PRRC1: variants seen among roughly 807,000 people sequenced by gnomAD.
The protein encoded by PRRC1 is protein PRRC1.
Under a neutral mutation model 40.7 loss-of-function variants are expected in PRRC1, and 39 were observed. The observed-to-expected ratio is 0.96, with a 90% CI of 0.74 to 1.25. The LOEUF is 1.25. Ranked by LOEUF, PRRC1 falls within the 50% of genes most tolerant of loss-of-function variation. PRRC1 has a pLI of 0.00. For synonymous variants in PRRC1, 175 were observed against 193.3 expected, an observed-to-expected ratio of 0.91 and a Z score of 0.79; for missense variants, 573 against 548.3, an observed-to-expected ratio of 1.05 and a Z score of -0.45.
chr5:127,552,527 A>G lies in PRRC1; in HGVS notation c.*611A>G, dbSNP rs975121921. 2 of 985,830 alleles carry G rather than the reference A, an allele frequency of 2.0e-6. No homozygotes were observed. Among genetic ancestry groups the G allele is most frequent in the Non-Finnish European group, 2.4e-6 (2 of 829,850 alleles). The allele number at this position is 985,830 out of a possible 1,614,324, so 61.1% of individuals were successfully genotyped here. Reference sequence around the variant, plus strand: ...GCCATCACGTACACATGTAATCTGGAAAATCATACCTTTGTCAATTTTAAA... The same window carrying G: ...GCCATCACGTACACATGTAATCTGGGAAATCATACCTTTGTCAATTTTAAA... On this transcript the variant is annotated 3_prime_UTR_variant, in exon 9 of 9. Coordinates refer to ENST00000296666, the MANE Select transcript of PRRC1 (RefSeq NM_130809.5).
At position 127,552,823 on chromosome 5, in the gene PRRC1, C is replaced by CT. The variant is rs1377220340; in HGVS notation, c.*909dup. The CT allele has an allele frequency of 7.6e-5, 75 of 985,338 alleles. No homozygotes were observed. Among genetic ancestry groups the CT allele is most frequent in the Non-Finnish European group, 8.2e-5 (68 of 829,662 alleles). 61.0% of individuals were successfully genotyped at this position (985,338 alleles called of 1,614,324 possible). Reference sequence around the variant, plus strand: ...TTATTGCTTGTGGGTTAGTATGTCTCTTACTTCAATTAAGGTTACTTATTT... The same window carrying CT: ...TTATTGCTTGTGGGTTAGTATGTCTCTTTACTTCAATTAAGGTTACTTATTT... On this transcript the variant is annotated 3_prime_UTR_variant, in exon 9 of 9. Transcript: ENST00000296666.
chr5:127,531,749 A>C (rs1286975727), intron 5 of PRRC1, among the ~76,000 whole-genome samples: 1 of 148,108 alleles, frequency 6.8e-6, no homozygotes, highest in Non-Finnish European at 1.5e-5. Flanking sequence ...CAGTCTTCTG[A>C]GTAGCTGGGA....
At chr5:127,542,962 C>T (rs1274339347) in intron 7 of PRRC1, among the ~76,000 whole-genome samples, 1 of 151,892 alleles carries the variant, frequency 6.6e-6, no homozygotes, top group African/African-American at 2.4e-5. Context: ...GCAGTTTCTT[C>T]CTAGTTTTGA....
At chr5:127,517,797 A>T (rs933314290) in intron 1 of PRRC1, 21 bp downstream of exon 1, 5 of 152,546 alleles carry the variant, frequency 3.3e-5, no homozygotes, top group Middle Eastern at 3.4e-3. Flanking sequence ...GGTGGCTCCG[A>T]GGGGCGTGTA....
At chr5:127,534,306 A>T (rs1767843003) in intron 6 of PRRC1, among the ~76,000 whole-genome samples, 1 of 152,200 alleles carries the variant, frequency 6.6e-6, no homozygotes, top group African/African-American at 2.4e-5. Context: ...GGAAACCCCA[A>T]CAAATTCTTT....
chr5:127,522,483 T>G (rs1221583948), intron 1 of PRRC1, among the ~76,000 whole-genome samples: 1 of 152,124 alleles, frequency 6.6e-6, no homozygotes, highest in African/African-American at 2.4e-5. Flanking sequence ...CTCAACCTCC[T>G]GGGATCAGGT....
At chr5:127,531,055 C>T (rs1018226187) in intron 5 of PRRC1, among the ~76,000 whole-genome samples, 1 of 152,158 alleles carries the variant, frequency 6.6e-6, no homozygotes, top group African/African-American at 2.4e-5. Context: ...CAGCAGGTAC[C>T]TGAACAGCGA....
In PRRC1 at chr5:127,552,117, A is replaced by G; in HGVS notation, c.*201A>G. 1 of 1,393,248 alleles carries G rather than the reference A, an allele frequency of 7.2e-7. No homozygotes were observed. Among genetic ancestry groups the G allele is most frequent in the East Asian group, 2.7e-5 (1 of 37,534 alleles). The allele number at this position is 1,393,248 out of a possible 1,614,324, so 86.3% of individuals were successfully genotyped here. ...AGAAACAAATCCTTTTTATAGTCAT[A>G]CCATTTCACCTATCATAGTACTCAA... On this transcript the variant is annotated 3_prime_UTR_variant, in exon 9 of 9. Transcript: ENST00000296666.
chr5:127,539,992 G>A (rs1486917341), intron 7 of PRRC1, among the ~76,000 whole-genome samples: 1 of 152,080 alleles, frequency 6.6e-6, no homozygotes, highest in East Asian at 1.9e-4. Context: ...GGATTTTGAA[G>A]AAGAGGTGAA....
intron 8 of PRRC1, 98 bp downstream of exon 8, chr5:127,548,019 T>C (rs1402720757): frequency 2.4e-6 from 2 of 831,954 alleles, no homozygotes; most frequent in African/African-American, 3.4e-5. Flanking sequence ...AGAAATATGT[T>C]CTTGATTTTG....
At chr5:127,531,097 A>T (rs950952307) in intron 5 of PRRC1, among the ~76,000 whole-genome samples, 6 of 152,256 alleles carry the variant, frequency 3.9e-5, no homozygotes, top group African/African-American at 1.4e-4. Flanking sequence ...AATAGCTTTC[A>T]CAAGTCTTGA....
intron 1 of PRRC1, among the ~76,000 whole-genome samples, chr5:127,520,462 T>A (rs767515143): frequency 1.3e-5 from 2 of 152,210 alleles, no homozygotes; most frequent in Admixed American, 1.3e-4. Context: ...ATTTATACAA[T>A]GGAATACTAT....
At chr5:127,543,771 C>G (rs1302476974) in intron 7 of PRRC1, among the ~76,000 whole-genome samples, 1 of 152,264 alleles carries the variant, frequency 6.6e-6, no homozygotes, top group East Asian at 1.9e-4. Context: ...GTTATACATT[C>G]GTCTAAATTT....
intron 8 of PRRC1, 90 bp downstream of exon 8, chr5:127,548,011 A>G (rs186580800): frequency 3.5e-6 from 3 of 869,172 alleles, no homozygotes; most frequent in Non-Finnish European, 5.9e-6. Context: ...TTTTTGTTAG[A>G]AATATGTTCT....
Position 127,551,940 on chromosome 5 carries a change from A to G in PRRC1, c.*24A>G. 6.2e-7 allele frequency: 1 copy of G among 1,613,020 alleles called. No homozygotes were observed. The highest frequency in any genetic ancestry group is 8.5e-7 in the Non-Finnish European group (1 of 1,179,328). Reference sequence around the variant, plus strand: ...GAGAGGAGACCTACCTGGGAGACTGAGACTTTCCCCCACTTTTAGCTTGAT... The same window carrying G: ...GAGAGGAGACCTACCTGGGAGACTGGGACTTTCCCCCACTTTTAGCTTGAT... On this transcript the variant is annotated 3_prime_UTR_variant, in exon 9 of 9. Transcript: ENST00000296666.
intron 1 of PRRC1, among the ~76,000 whole-genome samples, chr5:127,521,477 G>A (rs573901514): frequency 7.9e-5 from 12 of 152,286 alleles, no homozygotes; most frequent in Admixed American, 1.3e-4. Flanking sequence ...GACTAGCTGC[G>A]TTAGGATAAG....
intron 7 of PRRC1, among the ~76,000 whole-genome samples, chr5:127,543,656 T>G (rs1256953326): frequency 1.3e-5 from 2 of 152,240 alleles, no homozygotes; most frequent in African/African-American, 4.8e-5. Flanking sequence ...TTCTTCCAGT[T>G]GATCGCGTCG....
At chr5:127,544,678 C>T (rs1186646774) in intron 7 of PRRC1, among the ~76,000 whole-genome samples, 2 of 152,258 alleles carry the variant, frequency 1.3e-5, no homozygotes, top group Non-Finnish European at 2.9e-5. Flanking sequence ...ATAGGACCCT[C>T]TGAACCAGGT....
intron 6 of PRRC1, among the ~76,000 whole-genome samples, chr5:127,535,908 G>C (rs1767889283): frequency 6.6e-6 from 1 of 151,902 alleles, no homozygotes; most frequent in Non-Finnish European, 1.5e-5. Context: ...GGTGTTCTTT[G>C]AGTTGTATTT....
Sources: gnomAD v4.1 joint callset for allele counts (sites outside exome capture counted in the v4.1 genomes callset) on GRCh38, gnomAD v4.1.1 for gene constraint, MANE v1.5 for transcripts, NCBI Gene and HGNC (gene_info 2026-07-23, HGNC 2026-07-21) for gene names.